The following SHANK2 variants were observed in gnomAD, a reference collection of about 807,000 sequenced individuals.
SHANK2 encodes the protein SH3 and multiple ankyrin repeat domains 2.
A neutral mutation model predicts 133.7 loss-of-function variants in SHANK2; 43 were observed. The observed-to-expected ratio is 0.32, with a 90% CI of 0.25 to 0.41. SHANK2 has a LOEUF of 0.41. Ranked by LOEUF, SHANK2 falls within the 10% of genes least tolerant of loss-of-function variation. The pLI is 1.00. For synonymous variants in SHANK2, 1,017 were observed against 952.8 expected, an observed-to-expected ratio of 1.07 and a Z score of -1.24; for missense variants, 1,994 against 2,235.8, an observed-to-expected ratio of 0.89 and a Z score of 2.18.
chr11:70,686,453 C>A (rs907101627), intron 15 of SHANK2, among the ~76,000 whole-genome samples: 2 of 152,040 alleles, frequency 1.3e-5, no homozygotes, highest in African/African-American at 4.8e-5. Context: ...CCCATCCACA[C>A]ACCCATCCAG....
intron 17 of SHANK2, among the ~76,000 whole-genome samples, chr11:70,538,198 G>A (rs533634416): frequency 2.0e-5 from 3 of 152,340 alleles, no homozygotes; most frequent in South Asian, 4.1e-4. Context: ...CCACCCGGGG[G>A]CTCCTGCAGC....
rs201481343 is a variant in SHANK2, at chr11:70,485,424, A to C, written c.4869T>G (p.Val1623=). The C allele has an allele frequency of 5.9e-5, 96 of 1,613,846 alleles. No individual in the cohort carries two copies. Among genetic ancestry groups the C allele is most frequent in the Non-Finnish European group, 1.6e-5 (19 of 1,180,028 alleles). ...GTAGGATAGAGTTCAATTCACTAATAACGTTTGCCTTTGGGCCTGAGAGAA... is the reference window on the plus strand; with the variant it reads ...GTAGGATAGAGTTCAATTCACTAATCACGTTTGCCTTTGGGCCTGAGAGAA... ...SPILSGPKAN[V]ISELNSILQQ... Residue 1623 remains valine, a synonymous_variant, in exon 25 of 26, where the codon GTT becomes GTG. Transcript: ENST00000601538. This position sits in a 1 kb window ranked among gnomAD's most constrained non-coding sequence, Gnocchi z 5.8.
At chr11:70,900,738 G>A (rs1950011478) in intron 10 of SHANK2, among the ~76,000 whole-genome samples, 1 of 152,126 alleles carries the variant, frequency 6.6e-6, no homozygotes, top group Admixed American at 6.5e-5. Flanking sequence ...AATTCCTCTT[G>A]GCAGAAAGCA....
chr11:70,950,800 G>T (rs990070767), intron 10 of SHANK2, among the ~76,000 whole-genome samples: 19 of 151,832 alleles, frequency 1.3e-4, no homozygotes, highest in African/African-American at 4.4e-4. Context: ...TGTATGTGTG[G>T]GTGTGTATGT....
rs187971440 is a variant in SHANK2 at position 70,567,860 on chromosome 11, C to G, written c.2062-64929G>C. Among the ~76,000 whole-genome samples, 74 of 152,296 alleles carry G rather than the reference C, an allele frequency of 4.9e-4. 2 individuals carry two copies. The highest frequency in any genetic ancestry group is 1.5e-5 in the Non-Finnish European group (1 of 68,020). On this transcript the variant is annotated intron_variant, in intron 17 of 25. Transcript: ENST00000601538. ...GGGGCAGCCCGAACTAAGACAGATG[C>G]CACACCCTGGAATAGCTGCAGGGCT...
At chr11:70,567,326 C>T (rs543078724) in intron 17 of SHANK2, among the ~76,000 whole-genome samples, 1 of 152,178 alleles carries the variant, frequency 6.6e-6, no homozygotes, top group Non-Finnish European at 1.5e-5. Context: ...TGACTGGTGT[C>T]CTTATAAGAG....
chr11:70,783,755 C>T (rs1465732728), intron 14 of SHANK2, among the ~76,000 whole-genome samples: 2 of 152,128 alleles, frequency 1.3e-5, no homozygotes, highest in Non-Finnish European at 2.9e-5. Context: ...ACTGGACGTG[C>T]GGTTGTTTTG....
intron 3 of SHANK2, among the ~76,000 whole-genome samples, chr11:71,132,837 A>G (rs1952344520): frequency 6.6e-6 from 1 of 152,154 alleles, no homozygotes; most frequent in Admixed American, 6.6e-5. Flanking sequence ...GTAACTCACC[A>G]GTTTCTTGAC....
At chr11:70,522,087 T>A (rs1397772914) in intron 17 of SHANK2, among the ~76,000 whole-genome samples, 1 of 152,230 alleles carries the variant, frequency 6.6e-6, no homozygotes, top group African/African-American at 2.4e-5. Context: ...CTCCACCTCC[T>A]AGGCAGAGGC....
intron 6 of SHANK2, among the ~76,000 whole-genome samples, chr11:71,109,420 G>A (rs529493191): frequency 6.6e-6 from 1 of 152,320 alleles, no homozygotes; most frequent in East Asian, 1.9e-4. Context: ...TGGCCGCGCT[G>A]CAAAGACTCA....
intron 17 of SHANK2, among the ~76,000 whole-genome samples, chr11:70,620,380 T>C (rs782311533): frequency 5.3e-5 from 8 of 152,066 alleles, no homozygotes; most frequent in Non-Finnish European, 1.2e-4. Context: ...TTGGGAGAAA[T>C]GGAGATTTTG....
intron 2 of SHANK2, among the ~76,000 whole-genome samples, chr11:71,170,383 T>C (rs1555111922): frequency 6.6e-6 from 1 of 152,218 alleles, no homozygotes; most frequent in Non-Finnish European, 1.5e-5. Flanking sequence ...TTTATATTTA[T>C]CACTTATCCA....
intron 11 of SHANK2, among the ~76,000 whole-genome samples, chr11:70,892,690 T>A (rs1176698707): frequency 2.0e-5 from 3 of 152,026 alleles, no homozygotes; most frequent in African/African-American, 7.3e-5. Flanking sequence ...CCTGCCTGCA[T>A]CTCCTTGGCA....
intron 17 of SHANK2, among the ~76,000 whole-genome samples, chr11:70,628,772 C>A (rs2060938853): frequency 6.6e-6 from 1 of 152,218 alleles, no homozygotes; most frequent in Admixed American, 6.5e-5. Flanking sequence ...GGCCCACCTG[C>A]CCTCCCCAGG....
intron 11 of SHANK2, chr11:70,872,395 A>AG (rs1949482331): frequency 6.5e-6 from 1 of 153,556 alleles, no homozygotes. Context: ...AGTGGAAAGG[A>AG]GGGGAAAAAA....
At chr11:70,746,502 C>A (rs549012877) in intron 14 of SHANK2, among the ~76,000 whole-genome samples, 1 of 151,014 alleles carries the variant, frequency 6.6e-6, no homozygotes, top group Non-Finnish European at 1.5e-5. Context: ...GCGGGGGATG[C>A]GGGGTGCCCC....
chr11:70,946,206 G>T (rs72957615), intron 10 of SHANK2, among the ~76,000 whole-genome samples: 119 of 76,270 alleles, frequency 1.6e-3, no homozygotes, highest in East Asian at 2.5e-3. Flanking sequence ...CTCCCTCTCC[G>T]CTAACCAACT....
intron 6 of SHANK2, among the ~76,000 whole-genome samples, chr11:71,097,815 C>T (rs564191140): frequency 6.6e-6 from 1 of 152,274 alleles, no homozygotes; most frequent in African/African-American, 2.4e-5. Context: ...CCAGCGGGCA[C>T]AGGGCAGTGC....
intron 2 of SHANK2, among the ~76,000 whole-genome samples, chr11:71,214,381 G>A (rs1591026981): frequency 6.6e-6 from 1 of 152,068 alleles, no homozygotes; most frequent in African/African-American, 2.4e-5. Context: ...AACAAACCAG[G>A]GCTCCCCAGG....
Sources: allele counts gnomAD v4.1 joint callset (sites outside exome capture counted in the v4.1 genomes callset), GRCh38; gene constraint gnomAD v4.1.1; non-coding constraint Gnocchi (gnomAD v3.1); transcripts MANE v1.5; gene names NCBI Gene and HGNC (gene_info 2026-07-23, HGNC 2026-07-21).